Variants in RSPO4 observed in about 807,000 individuals in gnomAD.
The protein encoded by RSPO4 is R-spondin-4.
Under a neutral mutation model 24.8 loss-of-function variants are expected in RSPO4, and 23 were observed. The observed-to-expected ratio is 0.93, with a 90% CI of 0.67 to 1.31. RSPO4 has a LOEUF of 1.31. Ranked by LOEUF, RSPO4 falls within the 40% of genes most tolerant of loss-of-function variation. The pLI, the probability that RSPO4 is intolerant of heterozygous loss-of-function variation, is 0.00. For synonymous variants in RSPO4, 141 were observed against 127.4 expected, an observed-to-expected ratio of 1.11 and a Z score of -0.72; for missense variants, 333 against 316.5, an observed-to-expected ratio of 1.05 and a Z score of -0.39.
chr20:966,827 C>T (rs1267012949), intron 3 of RSPO4, among the ~76,000 whole-genome samples: 1 of 152,162 alleles, frequency 6.6e-6, no homozygotes, highest in African/African-American at 2.4e-5. Flanking sequence ...TGCACTCCAG[C>T]TGGGCAACAG....
rs752157295 is a variant in RSPO4, at chr20:1,002,122, C to T, written c.43G>A (p.Val15Met). The change falls in exon 1 of 5, where the codon GTG (valine) becomes ATG (methionine). Residue 15 changes from valine to methionine, a missense_variant. Coordinates refer to ENST00000217260, the MANE Select transcript of RSPO4 (RefSeq NM_001029871.4). This position sits in a 1 kb window ranked among gnomAD's most constrained non-coding sequence, Gnocchi z 4.6. ...CTTCGGTTCAGGGCGAGCATGTCCACGGCGTGGGCGACGAGCAGGAGCAGG... is the reference window on the plus strand; with the variant it reads ...CTTCGGTTCAGGGCGAGCATGTCCATGGCGTGGGCGACGAGCAGGAGCAGG... The part of the protein sequence containing the change: ...LCLLLLVAHA[V>M]DMLALNRRKK... 6.4e-7 allele frequency: 1 copy of T among 1,565,434 alleles called. No individual in the cohort carries two copies. Among genetic ancestry groups the T allele is most frequent in the Admixed American group, 1.9e-5 (1 of 53,640 alleles).
Position 960,036 on chromosome 20 carries a change from G to A in RSPO4, c.*321C>T. The A allele has an allele frequency of 2.4e-6, 1 of 424,332 alleles. No individual in the cohort carries two copies. Among genetic ancestry groups the A allele is most frequent in the South Asian group, 2.5e-5 (1 of 40,408 alleles). The allele number at this position is 424,332 out of a possible 1,614,324, so 26.3% of individuals were successfully genotyped here. The stretch of plus-strand genomic sequence containing the variant: ...TGTGTGAGAGGGAGACAAGAGGAGG[G>A]AGAGAGAGAAGGATGCGGTGAAGGA... On this transcript the variant is annotated 3_prime_UTR_variant, in exon 5 of 5. Coordinates refer to ENST00000217260, the MANE Select transcript of RSPO4 (RefSeq NM_001029871.4).
intron 1 of RSPO4, among the ~76,000 whole-genome samples, chr20:989,648 C>T (rs1985033647): frequency 6.6e-6 from 1 of 152,206 alleles, no homozygotes; most frequent in Admixed American, 6.5e-5. Flanking sequence ...GCACTATCTC[C>T]ACCAAACCCA....
At position 960,292 on chromosome 20, in the gene RSPO4, A is replaced by G. The variant is rs1295227324; in HGVS notation, c.*65T>C. ...GGAGAAAGAGTAAGAGGAGAGGAGG[A>G]GAAGGAGCAGGAGGAGGTGTGCAGG... On this transcript the variant is annotated 3_prime_UTR_variant, in exon 5 of 5. Transcript: ENST00000217260. 1 of 975,910 alleles carries G rather than the reference A, an allele frequency of 1.0e-6. No individual in the cohort carries two copies. The highest frequency in any genetic ancestry group is 1.6e-5 in the African/African-American group (1 of 62,338). 60.5% of individuals were successfully genotyped at this position (975,910 alleles called of 1,614,324 possible). A position where few individuals can be genotyped will look rare whatever the true frequency, so the allele number is the denominator to read the frequency against.
At chr20:995,176 C>A (rs1172756897) in intron 1 of RSPO4, among the ~76,000 whole-genome samples, 1 of 152,160 alleles carries the variant, frequency 6.6e-6, no homozygotes, top group East Asian at 1.9e-4. Context: ...GAACCCTTCT[C>A]CAGAATTTCA....
intron 4 of RSPO4, among the ~76,000 whole-genome samples, chr20:962,611 G>A (rs1984037960): frequency 6.6e-6 from 1 of 151,992 alleles, no homozygotes; most frequent in Non-Finnish European, 1.5e-5. Context: ...ACCTCACTCT[G>A]TCCTCACCTG....
intron 1 of RSPO4, among the ~76,000 whole-genome samples, chr20:983,784 G>A (rs1048364001): frequency 6.6e-6 from 1 of 152,118 alleles, no homozygotes; most frequent in Non-Finnish European, 1.5e-5. Context: ...TAGCAGTTGT[G>A]GATCTCTTCT....
chr20:973,668 G>C (rs1048837303), intron 1 of RSPO4, among the ~76,000 whole-genome samples: 1 of 152,140 alleles, frequency 6.6e-6, no homozygotes, highest in African/African-American at 2.4e-5. Context: ...TAGAGACGGG[G>C]TTTCGCCATG....
chr20:968,546 AGCTCTAGCCT>A (rs1984308016), intron 1 of RSPO4, among the ~76,000 whole-genome samples: 1 of 152,266 alleles, frequency 6.6e-6, no homozygotes, highest in South Asian at 2.1e-4. Flanking sequence ...CTGCTGTACC[AGCTCTAGCCT>A]GCCTGTGTAG....
chr20:994,483 C>A (rs1238101990), intron 1 of RSPO4, among the ~76,000 whole-genome samples: 1 of 152,194 alleles, frequency 6.6e-6, no homozygotes, highest in African/African-American at 2.4e-5. Context: ...AGGCACCCAG[C>A]CCTGGGCTGG....
At chr20:979,639 G>C (rs1308041947) in intron 1 of RSPO4, among the ~76,000 whole-genome samples, 1 of 152,120 alleles carries the variant, frequency 6.6e-6, no homozygotes, top group Non-Finnish European at 1.5e-5. Context: ...GAGAGTTACA[G>C]CTTGGAGATC....
intron 1 of RSPO4, among the ~76,000 whole-genome samples, chr20:971,083 C>T (rs1984390570): frequency 6.6e-6 from 1 of 152,240 alleles, no homozygotes; most frequent in African/African-American, 2.4e-5. Flanking sequence ...CTCAAGTGAT[C>T]TTCCTGCCTC....
At chr20:996,825 C>T (rs1173293419) in intron 1 of RSPO4, among the ~76,000 whole-genome samples, 1 of 150,626 alleles carries the variant, frequency 6.6e-6, no homozygotes, top group Non-Finnish European at 1.5e-5. Context: ...CTTCCTTCGG[C>T]CACGCAGTCC....
Position 990,489 on chromosome 20 carries a change from C to A in RSPO4, c.79+11597G>T, listed in dbSNP as rs190404987. Among the ~76,000 whole-genome samples, 1,007 of 151,184 alleles carry A rather than the reference C, an allele frequency of 6.7e-3. 10 individuals are homozygous for A. The highest frequency in any genetic ancestry group is 0.023 in the African/African-American group (947 of 40,722). On this transcript the variant is annotated intron_variant, in intron 1 of 4. Transcript: ENST00000217260. ...TCCTTCCTTCCTTCCTTCTTTCCTT[C>A]CTTCCCTCCTTCTTTCCTTCCTCCC...
Position 967,171 on chromosome 20 carries a change from C to G in RSPO4, c.409+3G>C. 6.2e-7 allele frequency: 1 copy of G among 1,613,256 alleles called. No individual in the cohort carries two copies. The highest frequency in any genetic ancestry group is 1.1e-5 in the South Asian group (1 of 91,068). On this transcript the variant is annotated splice_donor_region_variant and intron_variant, in intron 3 of 4. Transcript: ENST00000217260. Reference sequence around the variant, plus strand: ...GGGGCAGGGCGGGGAGGTCCCCACTCACCCTGGCACTCCCGTGTGTTCTGG... The same window carrying G: ...GGGGCAGGGCGGGGAGGTCCCCACTGACCCTGGCACTCCCGTGTGTTCTGG...
intron 1 of RSPO4, among the ~76,000 whole-genome samples, chr20:988,692 A>T (rs955181925): frequency 9.2e-5 from 14 of 152,112 alleles, no homozygotes; most frequent in Admixed American, 3.9e-4. Flanking sequence ...CTGGGATTAC[A>T]GGCACCCACC....
At chr20:985,980 G>C (rs550229226) in intron 1 of RSPO4, among the ~76,000 whole-genome samples, 1 of 152,376 alleles carries the variant, frequency 6.6e-6, no homozygotes, top group Non-Finnish European at 1.5e-5. Context: ...GGCAGAGGCA[G>C]CCTGCATTGC....
intron 3 of RSPO4, among the ~76,000 whole-genome samples, chr20:964,334 C>T (rs1984111933): frequency 6.6e-6 from 1 of 152,084 alleles, no homozygotes; most frequent in Non-Finnish European, 1.5e-5. Context: ...CCAGAGCGGC[C>T]GACTGTCTAG....
chr20:992,091 T>C (rs73571671), intron 1 of RSPO4, among the ~76,000 whole-genome samples: 6,023 of 152,168 alleles, frequency 0.04, 206 homozygotes, highest in Middle Eastern at 0.12. Context: ...TCCAGCCCGC[T>C]GTGGGCAGAG....
Sources: allele counts gnomAD v4.1 joint callset (sites outside exome capture counted in the v4.1 genomes callset), GRCh38; gene constraint gnomAD v4.1.1; non-coding constraint Gnocchi (gnomAD v3.1); transcripts MANE v1.5; gene names NCBI Gene and HGNC (gene_info 2026-07-23, HGNC 2026-07-21).